ADAMTSL3: variants seen among roughly 807,000 people sequenced by gnomAD.
ADAMTSL3 encodes ADAMTS-like protein 3.
ADAMTSL3 carries 128 observed loss-of-function variants against 201.7 expected under a neutral mutation model. The observed-to-expected ratio is 0.63, with a 90% CI of 0.55 to 0.73. The LOEUF (loss-of-function observed/expected upper bound fraction) is 0.73. Among genes scored for constraint, ADAMTSL3 ranks in the 30% least tolerant of loss-of-function variants. ADAMTSL3 has a pLI of 0.00. For synonymous variants in ADAMTSL3, 738 were observed against 748.4 expected (o/e 0.99, Z 0.23); for missense variants, 1,990 against 2,119.6 (o/e 0.94, Z 1.20).
intron 28 of ADAMTSL3, among the ~76,000 whole-genome samples, chr15:84,033,806 A>G (rs1357244604): frequency 2.0e-5 from 3 of 152,210 alleles, no homozygotes; most frequent in Non-Finnish European, 4.4e-5. Flanking sequence ...CATACTTTCC[A>G]ATCAAAGGTA....
At chr15:83,819,462 A>C (rs2063822460) in intron 5 of ADAMTSL3, among the ~76,000 whole-genome samples, 1 of 152,072 alleles carries the variant, frequency 6.6e-6, no homozygotes, top group Admixed American at 6.6e-5. Context: ...AAAAGGAAGG[A>C]GATTAGATAA....
intron 4 of ADAMTSL3, among the ~76,000 whole-genome samples, chr15:83,778,911 G>A (rs905779880): frequency 1.3e-5 from 2 of 152,022 alleles, no homozygotes; most frequent in Admixed American, 1.3e-4. Context: ...TCAAATAAAG[G>A]GATGGAGAAA....
intron 9 of ADAMTSL3, among the ~76,000 whole-genome samples, chr15:83,877,650 T>C (rs1311010811): frequency 6.6e-6 from 1 of 152,212 alleles, no homozygotes; most frequent in East Asian, 1.9e-4. Flanking sequence ...TTGATTGGAA[T>C]TGCATTGGAT....
rs564481285 is a variant in ADAMTSL3 at position 83,820,980 on chromosome 15, G to A, written c.600+933G>A. Among the ~76,000 whole-genome samples the A allele has an allele frequency of 2.2e-4, 33 of 152,024 alleles. No individual in the cohort carries two copies. The South Asian group carries it at 6.7e-3, about 31-fold the overall frequency. On this transcript the variant is annotated intron_variant, in intron 6 of 29. Coordinates refer to ENST00000286744, the MANE Select transcript of ADAMTSL3 (RefSeq NM_207517.3). ...TTCCAGCTACTAGGGAGGCTGAGGC[G>A]GGAGAATCACTTGAACCCAGGAGGT...
intron 6 of ADAMTSL3, among the ~76,000 whole-genome samples, chr15:83,837,024 C>T (rs141093580): frequency 6.6e-6 from 1 of 152,206 alleles, no homozygotes; most frequent in Admixed American, 6.5e-5. Flanking sequence ...AAATATAAGA[C>T]ATGACCTTTT....
intron 19 of ADAMTSL3, among the ~76,000 whole-genome samples, chr15:83,961,067 G>T (rs889063608): frequency 5.3e-5 from 8 of 151,974 alleles, no homozygotes; most frequent in Non-Finnish European, 8.8e-5. Context: ...TGAGGTTTGA[G>T]TTCAAAAAAG....
intron 6 of ADAMTSL3, among the ~76,000 whole-genome samples, chr15:83,824,023 C>A (rs557918801): frequency 6.9e-6 from 1 of 144,978 alleles, no homozygotes; most frequent in Non-Finnish European, 1.5e-5. Context: ...TTTCTTCTTT[C>A]TTCCTTCTTT....
chr15:83,864,167 T>C (rs1279314344), intron 8 of ADAMTSL3, among the ~76,000 whole-genome samples: 3 of 152,248 alleles, frequency 2.0e-5, no homozygotes, highest in African/African-American at 7.2e-5. Context: ...GATTCACAGC[T>C]GAATTCTACC....
At chr15:83,941,064 A>T (rs2066548918) in intron 17 of ADAMTSL3, among the ~76,000 whole-genome samples, 1 of 151,888 alleles carries the variant, frequency 6.6e-6, no homozygotes, top group South Asian at 2.1e-4. Context: ...TATTTTAAAT[A>T]TTTTAAATTT....
At chr15:83,840,263 G>C (rs1046410457) in intron 7 of ADAMTSL3, among the ~76,000 whole-genome samples, 1 of 152,100 alleles carries the variant, frequency 6.6e-6, no homozygotes, top group Non-Finnish European at 1.5e-5. Context: ...ATGAGATGGG[G>C]GTGGCCAGCA....
chr15:83,983,935 G>A (rs1041496619), intron 21 of ADAMTSL3, among the ~76,000 whole-genome samples: 14 of 151,952 alleles, frequency 9.2e-5, no homozygotes, highest in African/African-American at 3.4e-4. Context: ...CAAAAGCTTG[G>A]GTATCTGAAG....
intron 9 of ADAMTSL3, among the ~76,000 whole-genome samples, chr15:83,872,598 C>T (rs1451706355): frequency 2.2e-5 from 1 of 46,500 alleles, no homozygotes; most frequent in Non-Finnish European, 4.5e-5. Flanking sequence ...AAAATATACA[C>T]CACACACACA....
At chr15:83,971,296 G>A (rs189806105) in intron 20 of ADAMTSL3, among the ~76,000 whole-genome samples, 8 of 152,144 alleles carry the variant, frequency 5.3e-5, no homozygotes, top group Non-Finnish European at 8.8e-5. Flanking sequence ...AGTGGCTCAC[G>A]CCTGTAATCC....
intron 4 of ADAMTSL3, among the ~76,000 whole-genome samples, chr15:83,792,586 C>T (rs561705361): frequency 1.3e-5 from 2 of 152,208 alleles, no homozygotes; most frequent in African/African-American, 4.8e-5. Flanking sequence ...GAGTTAGAGA[C>T]CAGCCTGGCC....
chr15:84,004,554 A>G (rs2067857101), intron 23 of ADAMTSL3, among the ~76,000 whole-genome samples: 1 of 152,120 alleles, frequency 6.6e-6, no homozygotes, highest in Admixed American at 6.5e-5. Context: ...AACTAGAATT[A>G]ACCAGGAGTG....
intron 4 of ADAMTSL3, among the ~76,000 whole-genome samples, chr15:83,774,619 G>A (rs1182814997): frequency 6.6e-6 from 1 of 152,190 alleles, no homozygotes; most frequent in African/African-American, 2.4e-5. Flanking sequence ...CTAACTCAGA[G>A]CATGGAAGCT....
At chr15:83,693,006 CTT>C (rs2061633659) in intron 2 of ADAMTSL3, among the ~76,000 whole-genome samples, 1 of 152,078 alleles carries the variant, frequency 6.6e-6, no homozygotes, top group South Asian at 2.1e-4. Context: ...TGTTTCTGGA[CTT>C]TGTCAGGTTG....
intron 5 of ADAMTSL3, among the ~76,000 whole-genome samples, chr15:83,818,427 A>G (rs2063802035): frequency 6.6e-6 from 1 of 152,162 alleles, no homozygotes; most frequent in South Asian, 2.1e-4. Flanking sequence ...CCCAGGTTCA[A>G]GCAATTCTCC....
rs561366738 is a variant in ADAMTSL3, at chr15:83,707,183, C to T, written c.189+2675C>T. ...ATTTGATTTGCTGTTTTACTTTGGA[C>T]AAGTTACTTTACTTCCCTGTCCCTT... On this transcript the variant is annotated intron_variant, in intron 3 of 29. Coordinates refer to ENST00000286744, the MANE Select transcript of ADAMTSL3 (RefSeq NM_207517.3). Among the ~76,000 whole-genome samples, 88 of 152,252 alleles carry T rather than the reference C, an allele frequency of 5.8e-4. No homozygotes were observed. The South Asian group carries it at 0.016, about 28-fold the overall frequency.
Sources: allele counts gnomAD v4.1 joint callset (sites outside exome capture counted in the v4.1 genomes callset), GRCh38; gene constraint gnomAD v4.1.1; transcripts MANE v1.5; gene names NCBI Gene and HGNC (gene_info 2026-07-23, HGNC 2026-07-21).